The following SHISA9 variants were observed in gnomAD, a reference collection of about 807,000 sequenced individuals.
SHISA9 encodes shisa family member 9.
A neutral mutation model predicts 38.0 loss-of-function variants in SHISA9; 13 were observed. That is an observed-to-expected ratio of 0.34 (90% CI 0.22 to 0.54). The LOEUF is 0.54. Among genes scored for constraint, SHISA9 ranks in the 20% least tolerant of loss-of-function variants. The pLI is 0.91. For synonymous variants in SHISA9, 275 were observed against 242.0 expected, an observed-to-expected ratio of 1.14 and a Z score of -1.27; for missense variants, 538 against 575.8, an observed-to-expected ratio of 0.93 and a Z score of 0.67.
intron 2 of SHISA9, among the ~76,000 whole-genome samples, chr16:12,972,045 G>GTGTGTGTA (rs1198552642): frequency 8.3e-6 from 1 of 120,432 alleles, no homozygotes; most frequent in Non-Finnish European, 1.9e-5. Flanking sequence ...TGGAGTTTGT[G>GTGTGTGTA]TGTGTGTGTG....
At chr16:13,288,300 G>T in the SHISA9 span, among the ~76,000 whole-genome samples, 1 of 152,152 alleles carries the variant, frequency 6.6e-6, no homozygotes, top group Admixed American at 6.5e-5. Context: ...TTCTCACGTT[G>T]CTGGGAAGAG....
At chr16:13,471,424 T>C in the SHISA9 span, among the ~76,000 whole-genome samples, 1 of 152,238 alleles carries the variant, frequency 6.6e-6, no homozygotes, top group African/African-American at 2.4e-5. Context: ...CGAGTTTTTC[T>C]AGATCCGACT....
chr16:13,336,234 T>C, the SHISA9 span, among the ~76,000 whole-genome samples: 1 of 152,170 alleles, frequency 6.6e-6, no homozygotes, highest in Admixed American at 6.5e-5. Context: ...GAAATAATAC[T>C]CATCCTTCTC....
At chr16:13,191,112 A>C (rs1449185112) in intron 2 of SHISA9, among the ~76,000 whole-genome samples, 1 of 152,210 alleles carries the variant, frequency 6.6e-6, no homozygotes, top group African/African-American at 2.4e-5. Context: ...ATGGTATTTC[A>C]AACCATAATT....
chr16:13,491,905 G>A, the SHISA9 span, among the ~76,000 whole-genome samples: 1 of 124,518 alleles, frequency 8.0e-6, no homozygotes, highest in Non-Finnish European at 1.6e-5. Context: ...TTGAACTCCT[G>A]GGCTCAAGCA....
At chr16:13,293,999 C>T in the SHISA9 span, among the ~76,000 whole-genome samples, 5 of 152,190 alleles carry the variant, frequency 3.3e-5, no homozygotes, top group African/African-American at 1.2e-4. Flanking sequence ...TCCAACACTC[C>T]AACCCTTGAA....
At chr16:13,561,340 T>C in the SHISA9 span, among the ~76,000 whole-genome samples, 1 of 152,158 alleles carries the variant, frequency 6.6e-6, no homozygotes. Flanking sequence ...TTACATAACT[T>C]GCAGCATCTC....
chr16:13,460,400 GC>G, the SHISA9 span, among the ~76,000 whole-genome samples: 101 of 152,032 alleles, frequency 6.6e-4, no homozygotes, highest in South Asian at 1.0e-3. Flanking sequence ...CTCACAACAA[GC>G]CCCCCCGATC....
At chr16:13,251,777 G>A in the SHISA9 span, among the ~76,000 whole-genome samples, 2 of 152,106 alleles carry the variant, frequency 1.3e-5, no homozygotes, top group African/African-American at 4.8e-5. Flanking sequence ...CTGGTTTAGG[G>A]GGCAAACCAG....
the SHISA9 span, among the ~76,000 whole-genome samples, chr16:13,359,035 A>G: frequency 5.9e-5 from 9 of 152,166 alleles, no homozygotes; most frequent in Middle Eastern, 3.2e-3. Flanking sequence ...GAAGGTAAAG[A>G]ATTTCTTGAT....
chr16:12,953,283 C>A (rs1474949845), intron 2 of SHISA9, among the ~76,000 whole-genome samples: 1 of 152,104 alleles, frequency 6.6e-6, no homozygotes, highest in Admixed American at 6.5e-5. Context: ...CAAATAGTGC[C>A]TACTCTGTGC....
chr16:13,359,123 G>A, the SHISA9 span, among the ~76,000 whole-genome samples: 2 of 44,456 alleles, frequency 4.5e-5, no homozygotes, highest in Non-Finnish European at 9.8e-5. Flanking sequence ...CCAGAAGAAT[G>A]TCCAGTTTTA....
chr16:13,286,180 A>G, the SHISA9 span, among the ~76,000 whole-genome samples: 1 of 152,056 alleles, frequency 6.6e-6, no homozygotes, highest in Non-Finnish European at 1.5e-5. Context: ...TCTTACATCT[A>G]TTGATTGATG....
chr16:12,986,770 C>T (rs908755542), intron 2 of SHISA9, among the ~76,000 whole-genome samples: 7 of 152,162 alleles, frequency 4.6e-5, no homozygotes, highest in East Asian at 1.9e-4. Context: ...GACAATTCTA[C>T]GAAGGAGAAG....
At chr16:13,546,507 G>C in the SHISA9 span, among the ~76,000 whole-genome samples, 1 of 152,148 alleles carries the variant, frequency 6.6e-6, no homozygotes, top group Non-Finnish European at 1.5e-5. Flanking sequence ...TCAGTAGTAA[G>C]TCATTACCTA....
At chr16:12,933,831 C>T (rs1268529362) in intron 2 of SHISA9, among the ~76,000 whole-genome samples, 1 of 152,068 alleles carries the variant, frequency 6.6e-6, no homozygotes, top group African/African-American at 2.4e-5. Context: ...AGCCAGGGTT[C>T]TGACCACGGG....
At chr16:13,016,593 CT>C (rs2072760513) in intron 2 of SHISA9, among the ~76,000 whole-genome samples, 1 of 152,086 alleles carries the variant, frequency 6.6e-6, no homozygotes, top group African/African-American at 2.4e-5. Flanking sequence ...TTGTTTTTTG[CT>C]GTTTTTTGCC....
chr16:12,938,065 C>A (rs1162440097), intron 2 of SHISA9, among the ~76,000 whole-genome samples: 3 of 152,220 alleles, frequency 2.0e-5, no homozygotes, highest in African/African-American at 7.2e-5. Flanking sequence ...CCTTGATGAA[C>A]TGTTGCTGGA....
intron 2 of SHISA9, among the ~76,000 whole-genome samples, chr16:13,109,024 G>T (rs1223255581): frequency 1.3e-5 from 2 of 152,154 alleles, no homozygotes; most frequent in African/African-American, 2.4e-5. Flanking sequence ...GCTCTCTCTA[G>T]ACTCCAGAGC....
Sources: allele counts gnomAD v4.1 joint callset (sites outside exome capture counted in the v4.1 genomes callset), GRCh38; gene constraint gnomAD v4.1.1; transcripts MANE v1.5; gene names NCBI Gene and HGNC (gene_info 2026-07-23, HGNC 2026-07-21).